The following MROH1 variants were observed in gnomAD, a reference collection of about 807,000 sequenced individuals.
The protein encoded by MROH1 is maestro heat-like repeat-containing protein family member 1.
In MROH1, 117 loss-of-function variants were observed where a neutral mutation model predicts 116.5. That is an observed-to-expected ratio of 1.00 (90% confidence interval 0.86 to 1.17). The LOEUF (loss-of-function observed/expected upper bound fraction) is 1.17, where lower values mean the gene tolerates loss of function less well. Ranked by LOEUF, MROH1 falls within the 50% of genes most tolerant of loss-of-function variation. The pLI, the probability that MROH1 is intolerant of heterozygous loss-of-function variation, is 0.00. For missense variants in MROH1, 1,873 were observed against 1,338.5 expected (o/e 1.40, Z -6.23); for synonymous variants, 921 against 583.9 (o/e 1.58, Z -8.32).
Position 144,250,223 on chromosome 8 carries a change from C to T in MROH1, c.3285C>T (p.Ile1095=), listed in dbSNP as rs1378439316. ...CCGCCCATCTACAGGTGCCCGAGAT[C>T]GTGAGCGTCCTGCGCTCCAAGCTTC... is the stretch of plus-strand genomic sequence containing the variant. The part of the protein sequence containing the change: ...GGVLQEKVPE[I]VSVLRSKLQE... Residue 1095 remains isoleucine (I), a synonymous_variant, in exon 33 of 44, where the codon ATC becomes ATT. Coordinates refer to ENST00000326134, the MANE Select transcript of MROH1 (RefSeq NM_032450.3). 1.8e-5 allele frequency: 14 copies of T among 767,130 alleles called. No homozygotes were observed. Among genetic ancestry groups the T allele is most frequent in the African/African-American group, 5.1e-5 (3 of 59,042 alleles). 47.5% of individuals were successfully genotyped at this position (767,130 alleles called of 1,614,324 possible).
intron 33 of MROH1, among the ~76,000 whole-genome samples, chr8:144,253,388 G>A (rs1427799765): frequency 4.6e-5 from 7 of 152,230 alleles, no homozygotes; most frequent in Non-Finnish European, 1.0e-4. Flanking sequence ...CAGGCTTGAT[G>A]AGCTGCCAGA....
chr8:144,177,187 A>G (rs1429328527), intron 4 of MROH1, among the ~76,000 whole-genome samples: 1 of 152,210 alleles, frequency 6.6e-6, no homozygotes, highest in Admixed American at 6.5e-5. Flanking sequence ...GGTTTCGCAG[A>G]GTGGCAGTGA....
chr8:144,226,943 C>G (rs1382100851), intron 14 of MROH1, among the ~76,000 whole-genome samples: 6 of 152,186 alleles, frequency 3.9e-5, no homozygotes, highest in Non-Finnish European at 8.8e-5. Flanking sequence ...ATTTTGTTCA[C>G]CAGTATTTTG....
chr8:144,238,261 G>A (rs1804753302), intron 14 of MROH1, among the ~76,000 whole-genome samples: 1 of 151,680 alleles, frequency 6.6e-6, no homozygotes, highest in African/African-American at 2.4e-5. Context: ...GCCGCTTTGT[G>A]GTTGAGCTTT....
At chr8:144,237,007 G>A (rs1452635199) in intron 14 of MROH1, among the ~76,000 whole-genome samples, 10 of 140,126 alleles carry the variant, frequency 7.1e-5, no homozygotes, top group South Asian at 2.5e-4. Context: ...CCAGGTTCAC[G>A]CCGTTCTTCT....
At position 144,254,393 on chromosome 8, in the gene MROH1, C is replaced by T. The variant is rs990981171; in HGVS notation, c.3429-420C>T. On this transcript the variant is annotated intron_variant, in intron 33 of 43. Transcript: ENST00000326134. The stretch of plus-strand genomic sequence containing the variant: ...GCAAACGCTGAGCGTAGCTGCCTCA[C>T]GGTGCGTCTGCGGTGCCATCTGAGT... The T allele has an allele frequency of 9.6e-5, 16 of 167,328 alleles. No homozygotes were observed. The East Asian group carries it at 1.7e-3, about 18-fold the overall frequency. The allele number at this position is 167,328 out of a possible 1,614,324, so 10.4% of individuals were successfully genotyped here.
intron 19 of MROH1, 86 bp downstream of exon 19, chr8:144,240,239 C>T (rs1840739775): frequency 4.5e-6 from 3 of 662,196 alleles, no homozygotes; most frequent in Admixed American, 4.8e-5. Flanking sequence ...GGGCCACCTG[C>T]CTCGACCTCA....
chr8:144,258,708 TGAG>T, intron 35 of MROH1, 66 bp from the exon 36 acceptor site: 1 of 712,050 alleles, frequency 1.4e-6, no homozygotes, highest in Non-Finnish European at 2.6e-6. Flanking sequence ...GGTGCAGACC[TGAG>T]GAGTTAATCA....
chr8:144,255,807 A>G (rs1588526473), intron 35 of MROH1, 102 bp downstream of exon 35: 4 of 653,890 alleles, frequency 6.1e-6, no homozygotes, highest in South Asian at 5.2e-5. Context: ...AACCACGGGG[A>G]GTGTGGGAGT....
chr8:144,153,349 A>G (rs1817311677), intron 1 of MROH1, among the ~76,000 whole-genome samples: 1 of 151,812 alleles, frequency 6.6e-6, no homozygotes, highest in Non-Finnish European at 1.5e-5. Context: ...GGCACCCACC[A>G]CCACGCCCAG....
rs893681736 is a variant in MROH1 at position 144,243,551 on chromosome 8, T to C, written c.2410T>C (p.Cys804Arg). 8.3e-3 allele frequency: 6,476 copies of C among 780,250 alleles called. 39 individuals are homozygous for C. The highest frequency in any genetic ancestry group is 0.011 in the Non-Finnish European group (4,577 of 417,816). 48.3% of individuals were successfully genotyped at this position (780,250 alleles called of 1,614,324 possible). A position where few individuals can be genotyped will look rare whatever the true frequency, so the allele number is the denominator to read the frequency against. Reference protein sequence around the residue: ...QSVCMVSRAICSSTQAGSFHF... With the variant: ...QSVCMVSRAIRSSTQAGSFHF... Reference sequence around the variant, plus strand: ...TGTGTGCATGGTCAGCCGCGCCATCTGCAGCAGCACCCAGGCTGGCTCCTT... The same window carrying C: ...TGTGTGCATGGTCAGCCGCGCCATCCGCAGCAGCACCCAGGCTGGCTCCTT... The change falls in exon 25 of 44, where the codon TGC becomes CGC. Residue 804 changes from cysteine to arginine, a missense_variant. Transcript: ENST00000326134.
At chr8:144,153,212 T>C (rs1266903311) in intron 1 of MROH1, among the ~76,000 whole-genome samples, 1 of 152,124 alleles carries the variant, frequency 6.6e-6, no homozygotes, top group African/African-American at 2.4e-5. Context: ...TTTTTTTTTT[T>C]TGAGATGGAG....
At chr8:144,175,393 C>T in intron 4 of MROH1, 1 of 687,600 alleles carries the variant, frequency 1.5e-6, no homozygotes, top group Non-Finnish European at 1.8e-6. Flanking sequence ...TATAAATGCC[C>T]ACTTGCTGTA....
chr8:144,152,022 T>A (rs1399964576), intron 1 of MROH1, among the ~76,000 whole-genome samples: 2 of 152,202 alleles, frequency 1.3e-5, no homozygotes, highest in Non-Finnish European at 2.9e-5. Flanking sequence ...CTCTTTCCTG[T>A]TTATCTCAGG....
chr8:144,261,742 GC>G lies in MROH1; in HGVS notation c.*3del, dbSNP rs1588581477. The G allele has an allele frequency of 1.4e-6, 1 of 709,854 alleles. No individual in the cohort carries two copies. The highest frequency in any genetic ancestry group is 2.6e-6 in the Non-Finnish European group (1 of 389,602). 44.0% of individuals were successfully genotyped at this position (709,854 alleles called of 1,614,324 possible). On this transcript the variant is annotated 3_prime_UTR_variant, in exon 44 of 44. Coordinates refer to ENST00000326134, the MANE Select transcript of MROH1 (RefSeq NM_032450.3). ...GGCCGCCTGGTGAAGCTCGCCTAAG[GC>G]TCCGGCCAGCACCCCCAGCGAGGAG...
intron 10 of MROH1, among the ~76,000 whole-genome samples, chr8:144,195,110 G>T (rs567264826): frequency 6.9e-6 from 1 of 145,376 alleles, no homozygotes; most frequent in Non-Finnish European, 1.5e-5. Context: ...TGGGAGGATC[G>T]CTTGAGCCCA....
At chr8:144,228,423 G>T (rs1173543640) in intron 14 of MROH1, among the ~76,000 whole-genome samples, 1 of 152,146 alleles carries the variant, frequency 6.6e-6, no homozygotes, top group Non-Finnish European at 1.5e-5. Context: ...ATAGCTGCTG[G>T]ACTGATCAGG....
intron 1 of MROH1, among the ~76,000 whole-genome samples, chr8:144,150,833 C>T (rs1379314870): frequency 2.6e-5 from 4 of 152,128 alleles, no homozygotes; most frequent in Non-Finnish European, 2.9e-5. Flanking sequence ...GAGCATGGTC[C>T]CTGGCTAGGG....
At chr8:144,170,574 A>C (rs779563778) in intron 4 of MROH1, among the ~76,000 whole-genome samples, 46 of 152,238 alleles carry the variant, frequency 3.0e-4, no homozygotes, top group Non-Finnish European at 8.8e-5. Context: ...GGCATGGTTC[A>C]AAGCCCACTG....
Sources: allele counts gnomAD v4.1 joint callset (sites outside exome capture counted in the v4.1 genomes callset), GRCh38; gene constraint gnomAD v4.1.1; transcripts MANE v1.5; gene names NCBI Gene and HGNC (gene_info 2026-07-23, HGNC 2026-07-21).